Variants in USH2A observed in about 807,000 individuals in gnomAD.
USH2A encodes the protein Usher syndrome 2A (autosomal recessive, mild).
Under a neutral mutation model 538.9 loss-of-function variants are expected in USH2A, and 443 were observed. That is an observed-to-expected ratio of 0.82 (90% confidence interval 0.76 to 0.89). USH2A has a LOEUF of 0.89. Among genes scored for constraint, USH2A ranks in the 40% least tolerant of loss-of-function variants. USH2A has a pLI of 0.00. For missense variants in USH2A, 6,633 were observed against 6,324.8 expected (o/e 1.05, Z -1.65); for synonymous variants, 2,413 against 2,273.5 (o/e 1.06, Z -1.75).
At chr1:215,711,446 A>G (rs1433440837) in intron 61 of USH2A, among the ~76,000 whole-genome samples, 1 of 152,224 alleles carries the variant, frequency 6.6e-6, no homozygotes, top group Non-Finnish European at 1.5e-5. Context: ...CTAAGGAAAT[A>G]CAAATGAGGG....
chr1:216,076,935 G>A (rs2031772843), intron 27 of USH2A, among the ~76,000 whole-genome samples: 1 of 152,222 alleles, frequency 6.6e-6, no homozygotes, highest in South Asian at 2.1e-4. Flanking sequence ...ACTTTACAAA[G>A]GAGCATTGAC....
chr1:216,180,296 T>C (rs1452301724), intron 20 of USH2A, among the ~76,000 whole-genome samples: 1 of 152,102 alleles, frequency 6.6e-6, no homozygotes, highest in Non-Finnish European at 1.5e-5. Flanking sequence ...TTATCCATCA[T>C]TTCTAAGAAT....
intron 22 of USH2A, among the ~76,000 whole-genome samples, chr1:216,096,111 T>C (rs942769075): frequency 3.3e-5 from 5 of 152,226 alleles, no homozygotes; most frequent in Admixed American, 2.6e-4. Context: ...TGAAGACAAC[T>C]GTTCAGTGCT....
At chr1:215,815,932 C>T (rs1662847422) in intron 48 of USH2A, among the ~76,000 whole-genome samples, 1 of 152,050 alleles carries the variant, frequency 6.6e-6, no homozygotes, top group South Asian at 2.1e-4. Flanking sequence ...GTTTTCTGCA[C>T]TCCACAAACT....
Position 216,154,344 on chromosome 1 carries a change from G to A in USH2A, c.4627+20908C>T, listed in dbSNP as rs79647689. 3.0e-3 allele frequency among the ~76,000 whole-genome samples: 457 copies of A among 152,208 alleles called. 1 individual carries two copies. Among genetic ancestry groups the A allele is most frequent in the African/African-American group, 0.011 (440 of 41,534 alleles). The stretch of plus-strand genomic sequence containing the variant: ...ATTTGTTTCAGGTGAAATTTGGAGT[G>A]ATAAGCAGTATACACACTGCTTAAG... On this transcript the variant is annotated intron_variant, in intron 21 of 71. Transcript: ENST00000307340.
At position 215,915,672 on chromosome 1, in the gene USH2A, C is replaced by A. The variant is rs367954748; in HGVS notation, c.7301-14767G>T. ...GAACTAGAAATACTATTTGACCCAG[C>A]CATCCCATTACTGGGTATATACCCA... On this transcript the variant is annotated intron_variant, in intron 38 of 71. Transcript: ENST00000307340. Among the ~76,000 whole-genome samples, 22 of 152,134 alleles carry A rather than the reference C, an allele frequency of 1.4e-4. No homozygotes were observed. The South Asian group carries it at 4.6e-3, about 32-fold the overall frequency.
At chr1:216,264,036 AT>A (rs1196187435) in intron 11 of USH2A, among the ~76,000 whole-genome samples, 2 of 152,180 alleles carry the variant, frequency 1.3e-5, no homozygotes, top group East Asian at 3.9e-4. Context: ...ATACTGAGGA[AT>A]AAATGTAACC....
At position 215,833,559 on chromosome 1, in the gene USH2A, G is replaced by A. The variant is rs1663390435; in HGVS notation, c.9371+4432C>T. ...AAAAATTAACACAAAACCAATCATAGACATAAATTCAACATGTAAACATAC... is the reference window on the plus strand; with the variant it reads ...AAAAATTAACACAAAACCAATCATAAACATAAATTCAACATGTAAACATAC... On this transcript the variant is annotated intron_variant, in intron 47 of 71. Coordinates refer to ENST00000307340, the MANE Select transcript of USH2A (RefSeq NM_206933.4). Among the ~76,000 whole-genome samples the A allele has an allele frequency of 2.6e-5, 4 of 151,780 alleles. No homozygotes were observed. The South Asian group carries it at 8.3e-4, about 32-fold the overall frequency.
intron 21 of USH2A, among the ~76,000 whole-genome samples, chr1:216,117,327 A>T (rs1197310640): frequency 6.6e-6 from 1 of 152,178 alleles, no homozygotes; most frequent in Admixed American, 6.6e-5. Context: ...TGTCAAATGA[A>T]TGAAAGAATA....
chr1:216,158,626 C>T (rs892442099), intron 21 of USH2A, among the ~76,000 whole-genome samples: 14 of 152,168 alleles, frequency 9.2e-5, no homozygotes, highest in African/African-American at 3.4e-4. Context: ...TTACCTACTG[C>T]AGTCTTATAG....
chr1:215,674,051 A>G (rs1174673381), intron 63 of USH2A, 49 bp downstream of exon 63: 1 of 1,613,434 alleles, frequency 6.2e-7, no homozygotes, highest in South Asian at 1.1e-5. Context: ...CAGGCAATAG[A>G]AAGGTCAGCA....
intron 37 of USH2A, among the ~76,000 whole-genome samples, chr1:215,964,019 C>T (rs1000757100): frequency 6.6e-6 from 1 of 152,006 alleles, no homozygotes; most frequent in Non-Finnish European, 1.5e-5. Context: ...TCTCTTGCCG[C>T]GCAGCTTTGC....
intron 21 of USH2A, among the ~76,000 whole-genome samples, chr1:216,159,077 C>A (rs2034003453): frequency 6.6e-6 from 1 of 152,084 alleles, no homozygotes; most frequent in Non-Finnish European, 1.5e-5. Flanking sequence ...TCTAAGTTTA[C>A]TGAGTAAACT....
intron 55 of USH2A, among the ~76,000 whole-genome samples, chr1:215,777,533 C>T (rs1661500061): frequency 6.6e-6 from 1 of 152,216 alleles, no homozygotes; most frequent in Non-Finnish European, 1.5e-5. Flanking sequence ...CCTAAACTTG[C>T]TTTTCAAAAC....
chr1:215,867,878 T>C (rs1664519504), intron 43 of USH2A, among the ~76,000 whole-genome samples: 1 of 152,222 alleles, frequency 6.6e-6, no homozygotes. Context: ...AAATTGACTA[T>C]AGAGTAAAGC....
At chr1:215,894,647 G>T (rs890854055) in intron 40 of USH2A, among the ~76,000 whole-genome samples, 13 of 152,132 alleles carry the variant, frequency 8.5e-5, no homozygotes, top group Admixed American at 2.0e-4. Context: ...CGTTAACCTA[G>T]CCAAGACAGC....
rs1251110564 is a variant in USH2A at position 215,627,422 on chromosome 1, TTCCTTCCTTCCTTCC to T, written c.15519+1377_15519+1391del. The stretch of plus-strand genomic sequence containing the variant: ...CTTCCTTCCTTCCTTCCTTCCTTCC[TTCCTTCCTTCCTTCC>T]TTCCTTCCTTCCTTCCTTCCTTCCT... On this transcript the variant is annotated intron_variant, in intron 71 of 71. Coordinates refer to ENST00000307340, the MANE Select transcript of USH2A (RefSeq NM_206933.4). 1.1e-3 allele frequency among the ~76,000 whole-genome samples: 137 copies of T among 122,488 alleles called. 2 individuals carry two copies. In the South Asian group the frequency reaches 0.013, roughly 11 times the overall value. 80.4% of individuals were successfully genotyped at this position (122,488 alleles called of 152,430 possible).
At chr1:215,896,561 A>G (rs1437021036) in intron 40 of USH2A, among the ~76,000 whole-genome samples, 3 of 152,200 alleles carry the variant, frequency 2.0e-5, no homozygotes, top group Non-Finnish European at 4.4e-5. Context: ...AGGCAAAAGA[A>G]TACATCCACA....
At chr1:215,795,534 G>C (rs772092422) in intron 50 of USH2A, among the ~76,000 whole-genome samples, 1 of 152,174 alleles carries the variant, frequency 6.6e-6, no homozygotes, top group Non-Finnish European at 1.5e-5. Flanking sequence ...ACAAAGGACG[G>C]AGTATAGCAG....
Sources: allele counts gnomAD v4.1 joint callset (sites outside exome capture counted in the v4.1 genomes callset), GRCh38; gene constraint gnomAD v4.1.1; transcripts MANE v1.5; gene names NCBI Gene and HGNC (gene_info 2026-07-23, HGNC 2026-07-21).